The following SH3D19 variants were observed in gnomAD, a reference collection of about 807,000 sequenced individuals.
SH3D19 encodes SH3 domain containing 19.
In SH3D19, 58 loss-of-function variants were observed where a neutral mutation model predicts 112.1. The observed-to-expected ratio is 0.52, with a 90% CI of 0.42 to 0.64. The LOEUF is 0.64. Among genes scored for constraint, SH3D19 ranks in the 30% least tolerant of loss-of-function variants. The pLI, the probability that SH3D19 is intolerant of heterozygous loss-of-function variation, is 0.00. For synonymous variants in SH3D19, 391 were observed against 448.5 expected, an observed-to-expected ratio of 0.87 and a Z score of 1.62; for missense variants, 1,090 against 1,263.4, an observed-to-expected ratio of 0.86 and a Z score of 2.08.
chr4:151,199,058 C>T (rs1764008887), intron 2 of SH3D19, among the ~76,000 whole-genome samples: 1 of 151,080 alleles, frequency 6.6e-6, no homozygotes, highest in South Asian at 2.1e-4. Flanking sequence ...GAGAACTTTC[C>T]CATTAGATAC....
chr4:151,268,584 C>T (rs1186882251), intron 1 of SH3D19, among the ~76,000 whole-genome samples: 4 of 123,144 alleles, frequency 3.2e-5, no homozygotes, highest in African/African-American at 1.2e-4. Context: ...AATGCTATCC[C>T]TCCCCCTCCC....
intron 1 of SH3D19, among the ~76,000 whole-genome samples, chr4:151,254,050 T>A (rs933285553): frequency 2.6e-5 from 4 of 152,196 alleles, no homozygotes; most frequent in African/African-American, 9.7e-5. Context: ...TTGCACAGTA[T>A]AATTAGTTAA....
In SH3D19 at chr4:151,174,769, G is replaced by T; in HGVS notation, c.1435C>A (p.Pro479Thr). The T allele has an allele frequency of 1.9e-6, 3 of 1,542,154 alleles. No homozygotes were observed. ...NPPVPVLQSK[P>T]LVDIDLISFD... is the part of the protein sequence containing the mutation. ...CTGATGAGATCGATGTCCACCAAGG[G>T]CTTGCTCTGCAGAACTGGAACTGGG... Residue 479 changes from proline (P) to threonine (T), a missense_variant, in exon 7 of 20, where the codon CCC becomes ACC. Physicochemically the swap from Pro to Thr is conservative, Grantham distance 38 (BLOSUM62 -1). Coordinates refer to ENST00000604030, the MANE Select transcript of SH3D19 (RefSeq NM_001378122.1).
chr4:151,198,297 T>A (rs1201601068), intron 2 of SH3D19, among the ~76,000 whole-genome samples: 1 of 126,892 alleles, frequency 7.9e-6, no homozygotes. Context: ...ACAGCGAGAC[T>A]CTGTCTCAAA....
chr4:151,322,327 G>A (rs1364158974), intron 1 of SH3D19, among the ~76,000 whole-genome samples: 3 of 150,334 alleles, frequency 2.0e-5, no homozygotes, highest in Non-Finnish European at 4.4e-5. Context: ...CAGCCACTCT[G>A]TAGGCTGAGG....
intron 1 of SH3D19, among the ~76,000 whole-genome samples, chr4:151,253,215 C>A (rs1324626176): frequency 6.6e-6 from 1 of 152,180 alleles, no homozygotes; most frequent in African/African-American, 2.4e-5. Flanking sequence ...CCTCACTCTG[C>A]TCTGGCCATA....
chr4:151,283,297 G>C, intron 1 of SH3D19: 1 of 1,608,366 alleles, frequency 6.2e-7, no homozygotes, highest in Non-Finnish European at 8.5e-7. Context: ...GTCAGGGTTT[G>C]CTCTAGAGAA....
intron 2 of SH3D19, among the ~76,000 whole-genome samples, chr4:151,190,801 C>A (rs1281164149): frequency 6.6e-6 from 1 of 152,234 alleles, no homozygotes; most frequent in Non-Finnish European, 1.5e-5. Flanking sequence ...GGAGCCCCAA[C>A]ACAGAGTCCC....
chr4:151,172,883 A>G (rs1759323214), intron 7 of SH3D19, among the ~76,000 whole-genome samples: 1 of 152,188 alleles, frequency 6.6e-6, no homozygotes, highest in South Asian at 2.1e-4. Context: ...ATTTAGAAAG[A>G]AGATAGTATT....
intron 1 of SH3D19, among the ~76,000 whole-genome samples, chr4:151,265,797 T>C (rs967739881): frequency 1.3e-5 from 2 of 151,928 alleles, no homozygotes; most frequent in African/African-American, 2.4e-5. Context: ...CTTGCCCAGG[T>C]TGGTAATGAA....
At chr4:151,233,378 T>C (rs948538631) in intron 1 of SH3D19, among the ~76,000 whole-genome samples, 4 of 152,104 alleles carry the variant, frequency 2.6e-5, no homozygotes, top group East Asian at 1.9e-4. Flanking sequence ...GCCAAAAAGG[T>C]TGGGGACCGC....
At chr4:151,311,090 CT>C in intron 1 of SH3D19, among the ~76,000 whole-genome samples, 1 of 147,722 alleles carries the variant, frequency 6.8e-6, no homozygotes, top group African/African-American at 2.6e-5. Flanking sequence ...GTGCAGATAT[CT>C]CTTTGAGATA....
At chr4:151,280,205 T>A (rs569725742) in intron 1 of SH3D19, among the ~76,000 whole-genome samples, 4 of 82,580 alleles carry the variant, frequency 4.8e-5, no homozygotes, top group Admixed American at 2.7e-4. Context: ...TAAATACCAG[T>A]CAGGAGATTT....
At chr4:151,323,948 G>A (rs545656267) in intron 1 of SH3D19, among the ~76,000 whole-genome samples, 6 of 152,094 alleles carry the variant, frequency 3.9e-5, no homozygotes, top group African/African-American at 1.4e-4. Context: ...CAGGCATGGC[G>A]GTATATCTTT....
intron 1 of SH3D19, among the ~76,000 whole-genome samples, chr4:151,316,562 TA>T (rs1730002048): frequency 6.6e-6 from 1 of 152,184 alleles, no homozygotes; most frequent in Admixed American, 6.5e-5. Flanking sequence ...AAAAATATTC[TA>T]AAAAACATTT....
intron 1 of SH3D19, among the ~76,000 whole-genome samples, chr4:151,242,296 C>A (rs1770627576): frequency 6.6e-6 from 1 of 152,192 alleles, no homozygotes. Flanking sequence ...CCAACAAGAT[C>A]TATGCCAAAC....
chr4:151,272,904 T>A (rs80284007), intron 1 of SH3D19, among the ~76,000 whole-genome samples: 288 of 152,288 alleles, frequency 1.9e-3, no homozygotes, highest in Middle Eastern at 3.4e-3. Context: ...ACTTTTCATC[T>A]AAAGACTTGA....
At chr4:151,245,669 C>G (rs1203483528) in intron 1 of SH3D19, among the ~76,000 whole-genome samples, 1 of 152,136 alleles carries the variant, frequency 6.6e-6, no homozygotes, top group Non-Finnish European at 1.5e-5. Flanking sequence ...TGGCGCAGTC[C>G]TGGCTCACTG....
At chr4:151,242,214 G>C (rs957455911) in intron 1 of SH3D19, among the ~76,000 whole-genome samples, 2 of 152,096 alleles carry the variant, frequency 1.3e-5, no homozygotes, top group East Asian at 1.9e-4. Flanking sequence ...TGTATTTTCA[G>C]TTAACAACAT....
Sources: gnomAD v4.1 joint callset for allele counts (sites outside exome capture counted in the v4.1 genomes callset) on GRCh38, gnomAD v4.1.1 for gene constraint, MANE v1.5 for transcripts, NCBI Gene and HGNC (gene_info 2026-07-23, HGNC 2026-07-21) for gene names.